The following DOCK10 variants were observed in gnomAD, a reference collection of about 807,000 sequenced individuals.
DOCK10 encodes the protein dedicator of cytokinesis protein 10.
Under a neutral mutation model 280.1 loss-of-function variants are expected in DOCK10, and 145 were observed. That is an observed-to-expected ratio of 0.52 (90% CI 0.45 to 0.59). The LOEUF (loss-of-function observed/expected upper bound fraction) is 0.59. Among genes scored for constraint, DOCK10 ranks in the 20% least tolerant of loss-of-function variants. The probability of loss-of-function intolerance (pLI) is 0.00; values close to 1 mark genes in which losing one functional copy is unlikely to be tolerated. For synonymous variants in DOCK10, 915 were observed against 942.2 expected, an observed-to-expected ratio of 0.97 and a Z score of 0.53; for missense variants, 2,368 against 2,651.7, an observed-to-expected ratio of 0.89 and a Z score of 2.35.
intron 1 of DOCK10, among the ~76,000 whole-genome samples, chr2:225,035,543 TA>T (rs1559985910): frequency 0.025 from 383 of 15,086 alleles, 13 homozygotes; most frequent in African/African-American, 0.057. Flanking sequence ...TGATATATAT[TA>T]TATATATATA....
chr2:224,971,860 G>C (rs1049218035), intron 1 of DOCK10, among the ~76,000 whole-genome samples: 1 of 151,812 alleles, frequency 6.6e-6, no homozygotes, highest in Non-Finnish European at 1.5e-5. Context: ...AAGATTTGGC[G>C]TGAAAAAAAC....
rs748215502 is a variant in DOCK10, at chr2:224,823,636, A to G, written c.3048T>C (p.Pro1016=). The stretch of plus-strand genomic sequence containing the variant: ...TTTGGTAAGATTCAGGAAATCTCTG[A>G]GGCCGGGGAAGCTAAGGAAAGAACG... The part of the protein sequence containing the change: ...IDTNKIQLPR[P]QRFPESYQNE... The change falls in exon 28 of 56, where the codon CCT becomes CCC. Residue 1016 remains proline (P), a synonymous_variant. Coordinates refer to ENST00000258390, the MANE Select transcript of DOCK10 (RefSeq NM_014689.3). The G allele has an allele frequency of 1.3e-6, 2 of 1,593,772 alleles. No individual in the cohort carries two copies. The highest frequency in any genetic ancestry group is 2.3e-5 in the South Asian group (2 of 86,858).
At position 224,801,872 on chromosome 2, in the gene DOCK10, A is replaced by G. The variant is rs749481711; in HGVS notation, c.4393+44T>C. The G allele has an allele frequency of 7.5e-6, 12 of 1,601,544 alleles. No homozygotes were observed. In the African/African-American group the frequency reaches 1.6e-4, roughly 21 times the overall value. On this transcript the variant is annotated intron_variant, in intron 40 of 55. Transcript: ENST00000258390. The stretch of plus-strand genomic sequence containing the variant: ...TTTCATGTCCTACACATACCTAGAG[A>G]AAAACTGGTAACCATCTTGTTCCTA...
chr2:224,941,487 G>C (rs1343580880), intron 1 of DOCK10, among the ~76,000 whole-genome samples: 1 of 152,130 alleles, frequency 6.6e-6, no homozygotes, highest in African/African-American at 2.4e-5. Context: ...GCTGGGGCTG[G>C]TATAATAAGG....
intron 1 of DOCK10, among the ~76,000 whole-genome samples, chr2:224,999,795 A>T (rs1706378390): frequency 6.6e-6 from 1 of 151,404 alleles, no homozygotes. Context: ...AGAAAAATTA[A>T]GCCCAAAGAA....
intron 1 of DOCK10, among the ~76,000 whole-genome samples, chr2:224,984,358 T>C (rs1705902455): frequency 6.6e-6 from 1 of 152,252 alleles, no homozygotes; most frequent in Admixed American, 6.5e-5. Flanking sequence ...ACCTCTGCGG[T>C]GGCTTTTGGA....
At chr2:224,844,280 G>A (rs538235319) in intron 22 of DOCK10, among the ~76,000 whole-genome samples, 1 of 152,058 alleles carries the variant, frequency 6.6e-6, no homozygotes, top group African/African-American at 2.4e-5. Flanking sequence ...ACAGGCATGC[G>A]TCACCATGCC....
intron 8 of DOCK10, 73 bp downstream of exon 8, chr2:224,875,965 C>T: frequency 7.4e-6 from 11 of 1,476,694 alleles, no homozygotes; most frequent in Non-Finnish European, 1.0e-5. Flanking sequence ...ACTACAATGC[C>T]TAGCAGCTTT....
chr2:225,031,081 CCA>C (rs1230785129), intron 1 of DOCK10, among the ~76,000 whole-genome samples: 2 of 152,174 alleles, frequency 1.3e-5, no homozygotes, highest in East Asian at 3.8e-4. Context: ...GAGACTATAA[CCA>C]CAGTCTTGGT....
chr2:224,881,933 A>T (rs1401499111), intron 7 of DOCK10, among the ~76,000 whole-genome samples: 1 of 152,212 alleles, frequency 6.6e-6, no homozygotes, highest in East Asian at 1.9e-4. Context: ...CTCTTCATGC[A>T]TGCAGGGGGC....
intron 47 of DOCK10, among the ~76,000 whole-genome samples, chr2:224,791,219 G>A (rs552960390): frequency 3.9e-4 from 60 of 152,168 alleles, no homozygotes; most frequent in Non-Finnish European, 7.4e-4. Flanking sequence ...GGAACGTTAC[G>A]GCATCTGGTT....
intron 2 of DOCK10, among the ~76,000 whole-genome samples, chr2:224,930,887 G>A (rs1702323689): frequency 6.6e-6 from 1 of 152,202 alleles, no homozygotes; most frequent in African/African-American, 2.4e-5. Context: ...AAGACCACAA[G>A]GTAACAGTAT....
chr2:224,865,060 G>A lies in DOCK10; in HGVS notation c.1285C>T (p.Leu429Phe). 4 of 1,613,864 alleles carry A rather than the reference G, an allele frequency of 2.5e-6. No homozygotes were observed. The highest frequency in any genetic ancestry group is 3.4e-6 in the Non-Finnish European group (4 of 1,179,878). Residue 429 changes from leucine to phenylalanine, a missense_variant, in exon 12 of 56, where the codon CTT becomes TTT. Around this residue, in one of 2 missense-constraint regions of DOCK10, gnomAD observed 1,209 missense variants for 1,250.9 expected, o/e 0.97. Coordinates refer to ENST00000258390, the MANE Select transcript of DOCK10 (RefSeq NM_014689.3). The part of the protein sequence containing the change: ...NIEPFFVSVA[L>F]YDLRDSRKIS... Reference sequence around the variant, plus strand: ...TTCCTGCTGTCTCTGAGGTCATAAAGTGCCACACTCACAAAAAAAGGCTCA... The same window carrying A: ...TTCCTGCTGTCTCTGAGGTCATAAAATGCCACACTCACAAAAAAAGGCTCA...
chr2:224,911,725 G>A (rs989849689), intron 3 of DOCK10, among the ~76,000 whole-genome samples: 2 of 152,156 alleles, frequency 1.3e-5, no homozygotes, highest in Admixed American at 1.3e-4. Context: ...GTTCATGTGA[G>A]AGCAATTGGA....
intron 1 of DOCK10, among the ~76,000 whole-genome samples, chr2:224,948,742 A>G (rs1353360990): frequency 6.6e-6 from 1 of 152,244 alleles, no homozygotes; most frequent in African/African-American, 2.4e-5. Flanking sequence ...CATGGTCAAG[A>G]GTCACAAACT....
In DOCK10 at chr2:224,807,668, C is replaced by G; in HGVS notation, c.3702G>C (p.Gln1234His). The G allele has an allele frequency of 6.5e-7, 1 of 1,526,796 alleles. No individual in the cohort carries two copies. The highest frequency in any genetic ancestry group is 8.9e-7 in the Non-Finnish European group (1 of 1,124,318). 94.6% of individuals were successfully genotyped at this position (1,526,796 alleles called of 1,614,324 possible). A position where few individuals can be genotyped will look rare whatever the true frequency, so the allele number is the denominator to read the frequency against. Residue 1234 changes from glutamine to histidine, a missense_variant and splice_region_variant, in exon 33 of 56, where the codon CAG (glutamine) becomes CAC (histidine). By Grantham distance (24) the Gln-to-His change is conservative. Transcript: ENST00000258390. Reference protein sequence around the residue: ...LYPFTVNTSNQGSRDDLSTNG... With the variant: ...LYPFTVNTSNHGSRDDLSTNG... ...AATGTGACATATTGTGCAAACGTAC[C>G]TGATTAGATGTATTGACAGTAAAAG... is the stretch of plus-strand genomic sequence containing the variant.
chr2:225,018,483 T>C (rs886828338), intron 1 of DOCK10, among the ~76,000 whole-genome samples: 4 of 141,868 alleles, frequency 2.8e-5, no homozygotes, highest in Non-Finnish European at 6.0e-5. Flanking sequence ...AGATACCATG[T>C]AAACATATAT....
chr2:224,947,176 T>C, intron 1 of DOCK10: 1 of 577,102 alleles, frequency 1.7e-6, no homozygotes, highest in African/African-American at 2.0e-5. Context: ...TGTGCATATA[T>C]CCTCCCTCTT....
intron 19 of DOCK10, among the ~76,000 whole-genome samples, chr2:224,846,097 T>C (rs1696331788): frequency 6.6e-6 from 1 of 152,246 alleles, no homozygotes; most frequent in Admixed American, 6.5e-5. Flanking sequence ...TCAATAAATA[T>C]TGTTTCTGCT....
Sources: allele counts gnomAD v4.1 joint callset (sites outside exome capture counted in the v4.1 genomes callset), GRCh38; gene constraint gnomAD v4.1.1; regional missense constraint gnomAD v4.1.1; transcripts MANE v1.5; gene names NCBI Gene and HGNC (gene_info 2026-07-23, HGNC 2026-07-21).